SVOPL: variants seen among roughly 807,000 people sequenced by gnomAD.
SVOPL encodes the protein SVOP like.
SVOPL carries 60 observed loss-of-function variants against 61.0 expected under a neutral mutation model. The ratio of observed to expected loss-of-function variants is 0.98; its 90% CI spans 0.80 to 1.22. The LOEUF is 1.22. Among genes scored for constraint, SVOPL ranks in the 50% most tolerant of loss-of-function variants. The probability of loss-of-function intolerance (pLI) is 0.00; values close to 1 mark genes in which losing one functional copy is unlikely to be tolerated. For missense variants in SVOPL, 662 were observed against 643.9 expected (o/e 1.03, Z -0.30); for synonymous variants, 279 against 250.0 (o/e 1.12, Z -1.09).
chr7:138,623,132 A>T (rs989334861), intron 13 of SVOPL, among the ~76,000 whole-genome samples: 4 of 152,144 alleles, frequency 2.6e-5, no homozygotes, highest in Admixed American at 2.6e-4. Flanking sequence ...TTTATGGGGA[A>T]CTTTATTATT....
At chr7:138,695,744 T>C (rs1404182419) in intron 1 of SVOPL, among the ~76,000 whole-genome samples, 1 of 152,120 alleles carries the variant, frequency 6.6e-6, no homozygotes, top group Non-Finnish European at 1.5e-5. Flanking sequence ...TTCTCTTTTT[T>C]ACTTTATATT....
At chr7:138,643,208 C>CG (rs1230379002) in intron 9 of SVOPL, among the ~76,000 whole-genome samples, 1 of 151,856 alleles carries the variant, frequency 6.6e-6, no homozygotes, top group African/African-American at 2.4e-5. Context: ...GGGCGGATCA[C>CG]GAGGTCAGGA....
chr7:138,604,677 CAAAAAAAAA>C (rs5887890), intron 14 of SVOPL, among the ~76,000 whole-genome samples: 1 of 58,814 alleles, frequency 1.7e-5, no homozygotes, highest in African/African-American at 8.5e-5. Flanking sequence ...AACTTTATCT[CAAAAAAAAA>C]AAAAAAAAAA....
intron 9 of SVOPL, among the ~76,000 whole-genome samples, chr7:138,635,991 T>G (rs1800450363): frequency 6.6e-6 from 1 of 152,206 alleles, no homozygotes; most frequent in South Asian, 2.1e-4. Context: ...CAATCTCAGC[T>G]TACTGCAACC....
intron 4 of SVOPL, 109 bp downstream of exon 4, chr7:138,671,910 C>G: frequency 1.1e-6 from 1 of 951,054 alleles, no homozygotes; most frequent in Non-Finnish European, 1.6e-6. Flanking sequence ...TTTTGGAAGC[C>G]AACAGTGGCA....
chr7:138,622,002 C>G (rs796966980), intron 13 of SVOPL, among the ~76,000 whole-genome samples: 85 of 41,216 alleles, frequency 2.1e-3, no homozygotes, highest in Middle Eastern at 7.6e-3. Flanking sequence ...ATCTATCTAT[C>G]TATGTATCTA....
intron 7 of SVOPL, among the ~76,000 whole-genome samples, chr7:138,651,682 C>A (rs1336563027): frequency 6.6e-6 from 1 of 152,098 alleles, no homozygotes; most frequent in African/African-American, 2.4e-5. Flanking sequence ...TCCACTACAA[C>A]AATTATTTTC....
intron 14 of SVOPL, among the ~76,000 whole-genome samples, chr7:138,601,582 G>T (rs561110960): frequency 1.4e-4 from 21 of 151,952 alleles, no homozygotes; most frequent in South Asian, 4.2e-4. Context: ...CAGATACATA[G>T]AATAAAACGG....
At chr7:138,645,648 G>C (rs955637254) in intron 8 of SVOPL, 1 of 153,606 alleles carries the variant, frequency 6.5e-6, no homozygotes, top group African/African-American at 2.4e-5. Flanking sequence ...ACAGTCCAGA[G>C]ATCTTTTTAT....
intron 14 of SVOPL, among the ~76,000 whole-genome samples, chr7:138,605,775 C>T (rs1207503879): frequency 6.6e-6 from 1 of 152,022 alleles, no homozygotes; most frequent in Non-Finnish European, 1.5e-5. Context: ...TCAAATAAAT[C>T]TCAATAGTTC....
rs1198501382 is a variant in SVOPL at position 138,627,412 on chromosome 7, G to T, written c.1119C>A (p.Ser373Arg). ...LGINFLGRRLSLSITMGCTAL... is the reference protein window; with the variant it reads ...LGINFLGRRLRLSITMGCTAL... ...CCGTGCATCCCATGGTAATAGAAAG[G>T]CTCAGCCGTCTTCCCAGGAAATTGA... The change falls in exon 12 of 16, where the codon AGC becomes AGA. Residue 373 changes from serine (S) to arginine (R), a missense_variant. Coordinates refer to ENST00000674285, the MANE Select transcript of SVOPL (RefSeq NM_001139456.2). 1 of 1,613,772 alleles carries T rather than the reference G, an allele frequency of 6.2e-7. No homozygotes were observed. The highest frequency in any genetic ancestry group is 1.7e-5 in the Admixed American group (1 of 60,002).
chr7:138,633,601 C>T (rs569898623), intron 9 of SVOPL, among the ~76,000 whole-genome samples: 1 of 152,006 alleles, frequency 6.6e-6, no homozygotes, highest in Non-Finnish European at 1.5e-5. Flanking sequence ...TAACAGTCAC[C>T]CAGTCTCAGG....
At chr7:138,644,280 T>C (rs1800982871) in intron 9 of SVOPL, among the ~76,000 whole-genome samples, 1 of 145,430 alleles carries the variant, frequency 6.9e-6, no homozygotes, top group Non-Finnish European at 1.5e-5. Flanking sequence ...AAAATAGATA[T>C]CAGGTCAAAC....
chr7:138,622,222 GTATC>G (rs1398798608), intron 13 of SVOPL, among the ~76,000 whole-genome samples: 12 of 67,232 alleles, frequency 1.8e-4, no homozygotes, highest in South Asian at 8.7e-4. Context: ...ATCTATCTAT[GTATC>G]TATCTATGTA....
chr7:138,674,780 C>A (rs1802516265), intron 3 of SVOPL, among the ~76,000 whole-genome samples: 1 of 151,362 alleles, frequency 6.6e-6, no homozygotes, highest in African/African-American at 2.4e-5. Flanking sequence ...GGCGTGAACC[C>A]AGGAGGCACA....
At chr7:138,674,388 A>G (rs1418607040) in intron 3 of SVOPL, among the ~76,000 whole-genome samples, 1 of 151,996 alleles carries the variant, frequency 6.6e-6, no homozygotes, top group Non-Finnish European at 1.5e-5. Flanking sequence ...ATCACTGTCA[A>G]CATATCAATG....
At chr7:138,606,179 C>T (rs1798751841) in intron 14 of SVOPL, among the ~76,000 whole-genome samples, 1 of 151,982 alleles carries the variant, frequency 6.6e-6, no homozygotes, top group African/African-American at 2.4e-5. Context: ...TTTAAATAGC[C>T]TGGAAAATAA....
chr7:138,625,693 A>G (rs557820411), intron 13 of SVOPL, among the ~76,000 whole-genome samples: 28 of 152,176 alleles, frequency 1.8e-4, no homozygotes, highest in Non-Finnish European at 3.8e-4. Flanking sequence ...GCTACCTATT[A>G]CTTCTGGAAG....
chr7:138,597,644 G>T (rs1394653856), intron 14 of SVOPL, among the ~76,000 whole-genome samples: 1 of 147,028 alleles, frequency 6.8e-6, no homozygotes, highest in Non-Finnish European at 1.5e-5. Flanking sequence ...ACGTCTGCGT[G>T]TGTGTGTGTG....
Sources: allele counts gnomAD v4.1 joint callset (sites outside exome capture counted in the v4.1 genomes callset), GRCh38; gene constraint gnomAD v4.1.1; transcripts MANE v1.5; gene names NCBI Gene and HGNC (gene_info 2026-07-23, HGNC 2026-07-21).